NTM: variants seen among roughly 807,000 people sequenced by gnomAD.
NTM encodes the protein IgLON family member 2.
Under a neutral mutation model 42.1 loss-of-function variants are expected in NTM, and 13 were observed. The ratio of observed to expected loss-of-function variants is 0.31; its 90% CI spans 0.20 to 0.49. NTM has a LOEUF of 0.49. NTM is among the 20% of genes least tolerant of loss of function. The pLI, the probability that NTM is intolerant of heterozygous loss-of-function variation, is 0.99. For missense variants in NTM, 373 were observed against 452.8 expected, an observed-to-expected ratio of 0.82 and a Z score of 1.60; for synonymous variants, 187 against 179.2, an observed-to-expected ratio of 1.04 and a Z score of -0.35.
intron 6 of NTM, 182 bp from the exon 7 acceptor site, chr11:132,314,370 C>T (rs900848216): frequency 4.1e-5 from 10 of 241,400 alleles, no homozygotes; most frequent in East Asian, 1.8e-4. Flanking sequence ...CAAGAAACAA[C>T]GTGTCACTCA....
intron 2 of NTM, among the ~76,000 whole-genome samples, chr11:132,007,306 G>T (rs931467670): frequency 6.6e-6 from 1 of 152,122 alleles, no homozygotes; most frequent in Admixed American, 6.5e-5. Flanking sequence ...TGGATAAGTG[G>T]CAATAAGGGA....
At chr11:131,929,182 C>G (rs549416233) in intron 2 of NTM, among the ~76,000 whole-genome samples, 1 of 152,312 alleles carries the variant, frequency 6.6e-6, no homozygotes, top group South Asian at 2.1e-4. Flanking sequence ...AGTTTAGACT[C>G]CCTGGTTAGG....
chr11:131,754,168 A>G (rs1350571554), intron 1 of NTM, among the ~76,000 whole-genome samples: 1 of 150,688 alleles, frequency 6.6e-6, no homozygotes, highest in Non-Finnish European at 1.5e-5. Flanking sequence ...GCATTTGGAA[A>G]TATACCTAAT....
chr11:132,260,571 A>C (rs2092786682), intron 4 of NTM, among the ~76,000 whole-genome samples: 1 of 152,166 alleles, frequency 6.6e-6, no homozygotes, highest in South Asian at 2.1e-4. Context: ...TTAATATGGC[A>C]CTCAGTGTTA....
chr11:132,187,395 C>A (rs2078604071), intron 3 of NTM, among the ~76,000 whole-genome samples: 1 of 152,156 alleles, frequency 6.6e-6, no homozygotes, highest in African/African-American at 2.4e-5. Flanking sequence ...TAGTGCTCCC[C>A]ACCCACGTAT....
At chr11:131,549,442 G>A (rs1054797177) in intron 1 of NTM, among the ~76,000 whole-genome samples, 2 of 151,990 alleles carry the variant, frequency 1.3e-5, no homozygotes, top group East Asian at 1.9e-4. Context: ...TAGACAGAAG[G>A]AGAGAAAGAG....
intron 1 of NTM, among the ~76,000 whole-genome samples, chr11:131,620,170 C>T (rs1176048243): frequency 6.6e-6 from 1 of 152,192 alleles, no homozygotes; most frequent in East Asian, 1.9e-4. Flanking sequence ...GAGACTATAT[C>T]CAAGAGGGCA....
At chr11:132,238,496 C>A (rs1055716052) in intron 4 of NTM, among the ~76,000 whole-genome samples, 2 of 152,154 alleles carry the variant, frequency 1.3e-5, no homozygotes, top group Non-Finnish European at 2.9e-5. Context: ...TGTTTGGCAT[C>A]TTCAGAATCA....
In NTM at chr11:131,822,508, A is replaced by G. The variant is rs543594930; in HGVS notation, c.83-89056A>G. ...ACTATTAACGCTCAAATCAGTGTGA[A>G]GAATAAGAACGCGTGTACAGAGGGA... is the stretch of plus-strand genomic sequence containing the variant. On this transcript the variant is annotated intron_variant, in intron 1 of 8. Transcript: ENST00000683400. 3.0e-4 allele frequency among the ~76,000 whole-genome samples: 45 copies of G among 152,362 alleles called. No homozygotes were observed. In the South Asian group the frequency reaches 6.4e-3, roughly 22 times the overall value.
chr11:131,996,142 T>G (rs1476629268), intron 2 of NTM, among the ~76,000 whole-genome samples: 1 of 152,170 alleles, frequency 6.6e-6, no homozygotes, highest in Non-Finnish European at 1.5e-5. Flanking sequence ...GGACTTTCTC[T>G]TATGGGTTGC....
At chr11:131,989,531 T>A (rs1346871071) in intron 2 of NTM, among the ~76,000 whole-genome samples, 1 of 152,144 alleles carries the variant, frequency 6.6e-6, no homozygotes, top group African/African-American at 2.4e-5. Context: ...AACTATGGGC[T>A]TTTGGTATGT....
At chr11:131,818,214 G>A (rs1020418696) in intron 1 of NTM, among the ~76,000 whole-genome samples, 1 of 149,302 alleles carries the variant, frequency 6.7e-6, no homozygotes. Flanking sequence ...GTTCAGTCCT[G>A]TCGGTATCTC....
At chr11:132,042,365 G>T (rs2077321033) in intron 2 of NTM, among the ~76,000 whole-genome samples, 1 of 152,166 alleles carries the variant, frequency 6.6e-6, no homozygotes, top group Non-Finnish European at 1.5e-5. Flanking sequence ...CTTCCTGCTG[G>T]TCAATCAGAT....
chr11:131,688,562 T>C (rs1305477914), intron 1 of NTM, among the ~76,000 whole-genome samples: 2 of 152,332 alleles, frequency 1.3e-5, no homozygotes, highest in African/African-American at 2.4e-5. Context: ...GGCAGGCTCT[T>C]CTCTGGCTGC....
chr11:132,336,577 T>G lies in NTM; in HGVS notation c.*1431T>G, dbSNP rs2095873882. On this transcript the variant is annotated 3_prime_UTR_variant, in exon 9 of 9. Transcript: ENST00000683400. The stretch of plus-strand genomic sequence containing the variant: ...ATTATGGGAATCTCTGATGCCTTTG[T>G]GACCACTGGAGAGTTTAATCCTCTT... 6.6e-6 allele frequency: 1 copy of G among 152,668 alleles called. No individual in the cohort carries two copies. Among genetic ancestry groups the G allele is most frequent in the African/African-American group, 2.4e-5 (1 of 41,472 alleles). The allele number at this position is 152,668 out of a possible 1,614,324, so 9.5% of individuals were successfully genotyped here.
intron 2 of NTM, among the ~76,000 whole-genome samples, chr11:132,001,142 G>GA: frequency 6.6e-6 from 1 of 152,128 alleles, no homozygotes; most frequent in Middle Eastern, 3.4e-3. Context: ...GGTTGCTAAA[G>GA]AAAAAAAGCG....
At chr11:131,388,424 G>GTTTT (rs374892633) in intron 1 of NTM, among the ~76,000 whole-genome samples, 2 of 110,284 alleles carry the variant, frequency 1.8e-5, no homozygotes, top group African/African-American at 6.5e-5. Context: ...TGGGTTTTGG[G>GTTTT]TTTTTTTTTT....
chr11:131,566,484 G>A (rs2056901982), intron 1 of NTM, among the ~76,000 whole-genome samples: 1 of 151,954 alleles, frequency 6.6e-6, no homozygotes, highest in Non-Finnish European at 1.5e-5. Context: ...AGATGCAAGG[G>A]GCATGCAGAA....
intron 1 of NTM, among the ~76,000 whole-genome samples, chr11:131,901,159 G>A (rs1219068496): frequency 1.3e-5 from 2 of 152,156 alleles, no homozygotes; most frequent in African/African-American, 4.8e-5. Flanking sequence ...ATAAGAGGTA[G>A]GTATTATTCC....
Sources: gnomAD v4.1 joint callset for allele counts (sites outside exome capture counted in the v4.1 genomes callset) on GRCh38, gnomAD v4.1.1 for gene constraint, MANE v1.5 for transcripts, NCBI Gene and HGNC (gene_info 2026-07-23, HGNC 2026-07-21) for gene names.